ACRBP: variants seen among roughly 807,000 people sequenced by gnomAD.
ACRBP encodes acrosin-binding protein.
In ACRBP, 52 loss-of-function variants were observed where a neutral mutation model predicts 69.0. The observed-to-expected ratio is 0.75, with a 90% confidence interval of 0.60 to 0.95. The LOEUF (loss-of-function observed/expected upper bound fraction) is 0.95, where lower values mean the gene tolerates loss of function less well. Ranked by LOEUF, ACRBP falls within the 40% of genes least tolerant of loss-of-function variation. The pLI is 0.00. For missense variants in ACRBP, 604 were observed against 673.0 expected (o/e 0.90, Z 1.13); for synonymous variants, 267 against 258.9 (o/e 1.03, Z -0.30).
intron 1 of ACRBP, 21 bp from the exon 2 acceptor site, chr12:6,647,033 T>C: frequency 3.7e-6 from 6 of 1,601,680 alleles, no homozygotes; most frequent in Non-Finnish European, 5.1e-6. Context: ...GGCGAACGGA[T>C]GATGGAAGGA....
intron 4 of ACRBP, among the ~76,000 whole-genome samples, chr12:6,644,980 T>C (rs1949077699): frequency 6.6e-6 from 1 of 152,230 alleles, no homozygotes; most frequent in South Asian, 2.1e-4. Flanking sequence ...ACAATGTCTC[T>C]GGAATTGGGA....
At chr12:6,643,213 G>A (rs754065538) in intron 6 of ACRBP, among the ~76,000 whole-genome samples, 6 of 151,978 alleles carry the variant, frequency 3.9e-5, no homozygotes, top group Non-Finnish European at 8.8e-5. Flanking sequence ...AGCCATGATC[G>A]CACCACTCCC....
intron 4 of ACRBP, 46 bp downstream of exon 4, chr12:6,645,174 G>A (rs1182083008): frequency 1.4e-6 from 2 of 1,445,064 alleles, no homozygotes; most frequent in Non-Finnish European, 1.9e-6. Context: ...GGCTCTGGGA[G>A]TTGTGGGAGT....
At position 6,647,182 on chromosome 12, in the gene ACRBP, A is replaced by G; in HGVS notation, c.43+142T>C. 3.6e-6 allele frequency: 4 copies of G among 1,125,616 alleles called. No homozygotes were observed. In the South Asian group the frequency reaches 5.5e-5, roughly 15 times the overall value. 69.7% of individuals were successfully genotyped at this position (1,125,616 alleles called of 1,614,324 possible). ...CAAAGGTCCGGCCGCGGGCGGGGGGAGATGGGAGTATCCCAGGACCTAGGG... is the reference window on the plus strand; with the variant it reads ...CAAAGGTCCGGCCGCGGGCGGGGGGGGATGGGAGTATCCCAGGACCTAGGG... On this transcript the variant is annotated intron_variant, in intron 1 of 9. Coordinates refer to ENST00000229243, the MANE Select transcript of ACRBP (RefSeq NM_032489.3).
intron 6 of ACRBP, among the ~76,000 whole-genome samples, chr12:6,641,969 C>T (rs1382561514): frequency 1.3e-5 from 2 of 152,208 alleles, no homozygotes; most frequent in African/African-American, 2.4e-5. Context: ...TCTACCAAGC[C>T]CCTTCTTTTG....
Position 6,638,135 on chromosome 12 carries a change from C to T in ACRBP, c.*147G>A. 1 of 1,158,364 alleles carries T rather than the reference C, an allele frequency of 8.6e-7. No homozygotes were observed. 71.8% of individuals were successfully genotyped at this position (1,158,364 alleles called of 1,614,324 possible). On this transcript the variant is annotated 3_prime_UTR_variant, in exon 10 of 10. Transcript: ENST00000229243. ...GGAGGGCGCAGCTCCCACCGTGGCC[C>T]TCTCTGGGACTGTTGCTCCAACCCA...
chr12:6,641,735 A>G (rs1949054408), intron 6 of ACRBP, among the ~76,000 whole-genome samples: 1 of 152,186 alleles, frequency 6.6e-6, no homozygotes, highest in African/African-American at 2.4e-5. Flanking sequence ...TTAGCATACT[A>G]ATTTCACTCA....
chr12:6,645,379 G>A (rs1364946177), intron 3 of ACRBP, 42 bp from the exon 4 acceptor site: 2 of 1,442,492 alleles, frequency 1.4e-6, no homozygotes, highest in Non-Finnish European at 9.7e-7. Flanking sequence ...TTCCTAAAGG[G>A]CAGACTTCTG....
chr12:6,638,652 G>C, intron 9 of ACRBP: 1 of 1,384,544 alleles, frequency 7.2e-7, no homozygotes, highest in Non-Finnish European at 9.5e-7. Context: ...AGGCTACTTG[G>C]TGAGTAAGAA....
Position 6,647,371 on chromosome 12 carries a change from G to A in ACRBP, c.-5C>T, listed in dbSNP as rs116290146. 1.6e-3 allele frequency: 2,443 copies of A among 1,532,814 alleles called. 26 individuals carry two copies. In the African/African-American group the frequency reaches 0.029, roughly 18 times the overall value. 95.0% of individuals were successfully genotyped at this position (1,532,814 alleles called of 1,614,324 possible). Reference sequence around the variant, plus strand: ...GCCAGCGGCTGGCTTCCTCATGGCCGGAGAAGATCCGCCCGCGTCCCGTGG... The same window carrying A: ...GCCAGCGGCTGGCTTCCTCATGGCCAGAGAAGATCCGCCCGCGTCCCGTGG... On this transcript the variant is annotated 5_prime_UTR_variant, in exon 1 of 10. Transcript: ENST00000229243.
chr12:6,646,507 G>C lies in ACRBP; in HGVS notation c.333C>G (p.Cys111Trp). The change falls in exon 3 of 10, where the codon TGC (cysteine) becomes TGG (tryptophan). Residue 111 changes from cysteine (C) to tryptophan (W), a missense_variant. This residue lies in a region of ACRBP where 532 missense variants were observed against 562.9 expected (regional missense o/e 0.95). Transcript: ENST00000229243. ...ESFCQFTHYR[C>W]SNHVYYAKRV... ...CCTTGGCATAGTAGACGTGGTTGGA[G>C]CAACGGTAGTGAGTGAACTGGCAGA... 1 of 1,614,118 alleles carries C rather than the reference G, an allele frequency of 6.2e-7. No homozygotes were observed. Among genetic ancestry groups the C allele is most frequent in the East Asian group, 2.2e-5 (1 of 44,866 alleles).
Position 6,640,111 on chromosome 12 carries a change from C to T in ACRBP, c.1374G>A (p.Gly458=), listed in dbSNP as rs149510028. ...AGCTAAGGAACTCAGTCTGGAGCCA[C>T]CCAGAGACTCGGACATCTTCACAGC... is the stretch of plus-strand genomic sequence containing the variant. ...TKGCEDVRVS[G]WLQTEFLSFQ... Residue 458 remains glycine (G), a synonymous_variant, in exon 8 of 10, where the codon GGG becomes GGA. Transcript: ENST00000229243. This position sits in a 1 kb window ranked among gnomAD's most constrained non-coding sequence, Gnocchi z 5.3. The T allele has an allele frequency of 2.9e-5, 47 of 1,614,228 alleles. No homozygotes were observed. The highest frequency in any genetic ancestry group is 3.3e-4 in the Middle Eastern group (2 of 6,062).
intron 4 of ACRBP, 64 bp downstream of exon 4, chr12:6,645,156 A>C (rs1162816851): frequency 7.7e-7 from 1 of 1,296,154 alleles, no homozygotes; most frequent in African/African-American, 1.5e-5. Flanking sequence ...TGGATGCCTT[A>C]CGTTGTGGGC....
At chr12:6,638,521 C>T in intron 9 of ACRBP, 117 bp from the exon 10 acceptor site, 2 of 1,424,176 alleles carry the variant, frequency 1.4e-6, no homozygotes, top group Admixed American at 1.9e-5. Context: ...GGGCACAGGG[C>T]AGTAGAGGGA....
rs1440851261 is a variant in ACRBP at position 6,638,157 on chromosome 12, C to T, written c.*125G>A. Reference sequence around the variant, plus strand: ...GCCCTCTCTGGGACTGTTGCTCCAACCCAAGGAAATGTGAGTAGGGGCCGA... The same window carrying T: ...GCCCTCTCTGGGACTGTTGCTCCAATCCAAGGAAATGTGAGTAGGGGCCGA... On this transcript the variant is annotated 3_prime_UTR_variant, in exon 10 of 10. Coordinates refer to ENST00000229243, the MANE Select transcript of ACRBP (RefSeq NM_032489.3). 1 of 1,407,266 alleles carries T rather than the reference C, an allele frequency of 7.1e-7. No individual in the cohort carries two copies. The highest frequency in any genetic ancestry group is 9.7e-7 in the Non-Finnish European group (1 of 1,029,422). 87.2% of individuals were successfully genotyped at this position (1,407,266 alleles called of 1,614,324 possible).
chr12:6,644,454 T>C lies in ACRBP; in HGVS notation c.627A>G (p.Gln209=). 6.2e-7 allele frequency: 1 copy of C among 1,614,104 alleles called. No homozygotes were observed. The highest frequency in any genetic ancestry group is 8.5e-7 in the Non-Finnish European group (1 of 1,180,028). The change falls in exon 5 of 10, where the codon CAA becomes CAG. Residue 209 remains glutamine (Q), a synonymous_variant. Coordinates refer to ENST00000229243, the MANE Select transcript of ACRBP (RefSeq NM_032489.3). ...QGVEHRQEPT[Q]EHKQEEGQKQ... Reference sequence around the variant, plus strand: ...TCTGCCCCTCTTCCTGCTTGTGTTCTTGTGTCGGCTCCTGCCTGTGCTCCA... The same window carrying C: ...TCTGCCCCTCTTCCTGCTTGTGTTCCTGTGTCGGCTCCTGCCTGTGCTCCA...
chr12:6,644,187 C>T lies in ACRBP; in HGVS notation c.894G>A (p.Met298Ile). 3.7e-6 allele frequency: 6 copies of T among 1,610,048 alleles called. No homozygotes were observed. Among genetic ancestry groups the T allele is most frequent in the Non-Finnish European group, 5.1e-6 (6 of 1,177,150 alleles). Residue 298 changes from methionine to isoleucine, a missense_variant, in exon 5 of 10, where the codon ATG (methionine) becomes ATA (isoleucine). Transcript: ENST00000229243. ...AGGAGTTCTCATCATATATTTCATT[C>T]ATTTCATCTATTTCCTGGGCTGATC... ...LIRSAQEIDE[M>I]NEIYDENSYW...
intron 8 of ACRBP, 90 bp downstream of exon 8, chr12:6,639,970 C>CT: frequency 6.7e-7 from 1 of 1,486,156 alleles, no homozygotes; most frequent in Non-Finnish European, 9.1e-7. Context: ...CCCAAGCCCC[C>CT]TTCCACAAAC....
chr12:6,639,523 T>C (rs1018836389), intron 8 of ACRBP, among the ~76,000 whole-genome samples: 1 of 152,186 alleles, frequency 6.6e-6, no homozygotes, highest in Non-Finnish European at 1.5e-5. Flanking sequence ...TGCCCTTACT[T>C]TTCCTTGCCT....
Sources: allele counts gnomAD v4.1 joint callset (sites outside exome capture counted in the v4.1 genomes callset), GRCh38; gene constraint gnomAD v4.1.1; regional missense constraint gnomAD v4.1.1; non-coding constraint Gnocchi (gnomAD v3.1); transcripts MANE v1.5; gene names NCBI Gene and HGNC (gene_info 2026-07-23, HGNC 2026-07-21).